The following NELFCD variants were observed in gnomAD, a reference collection of about 807,000 sequenced individuals.
NELFCD encodes negative elongation factor C/D.
Under a neutral mutation model 72.9 loss-of-function variants are expected in NELFCD, and 48 were observed. The observed-to-expected ratio is 0.66, with a 90% CI of 0.52 to 0.84. The LOEUF (loss-of-function observed/expected upper bound fraction) is 0.84. Ranked by LOEUF, NELFCD falls within the 40% of genes least tolerant of loss-of-function variation. NELFCD has a pLI of 0.00. For missense variants in NELFCD, 538 were observed against 723.8 expected, an observed-to-expected ratio of 0.74 and a Z score of 2.94; for synonymous variants, 297 against 280.6, an observed-to-expected ratio of 1.06 and a Z score of -0.59.
At chr20:58,984,293 T>C (rs2091757122) in intron 1 of NELFCD, among the ~76,000 whole-genome samples, 1 of 151,904 alleles carries the variant, frequency 6.6e-6, no homozygotes, top group South Asian at 2.1e-4. Context: ...CTGAAGGAGA[T>C]GGGAATCTTT....
rs556887906 is a variant in NELFCD at position 58,990,122 on chromosome 20, C to T, written c.788+134C>T. The stretch of plus-strand genomic sequence containing the variant: ...AGAGGTAAACTTGCTTTTGGCTGGG[C>T]GTGGTGGCTCACGCCTGTAATCCCA... On this transcript the variant is annotated intron_variant, in intron 7 of 14. Coordinates refer to ENST00000652272, the MANE Select transcript of NELFCD (RefSeq NM_198976.4). 3.5e-4 allele frequency: 437 copies of T among 1,231,532 alleles called. 1 individual carries two copies. The African/African-American group carries it at 5.9e-3, about 16-fold the overall frequency. 76.3% of individuals were successfully genotyped at this position (1,231,532 alleles called of 1,614,324 possible).
chr20:58,989,836 C>G (rs750829960), intron 6 of NELFCD, 22 bp from the exon 7 acceptor site: 2 of 1,614,132 alleles, frequency 1.2e-6, no homozygotes, highest in Non-Finnish European at 1.7e-6. Context: ...ACCCTGCCCC[C>G]TCTCTCCCTG....
At chr20:58,981,444 A>C in intron 1 of NELFCD, 75 bp downstream of exon 1, 2 of 625,794 alleles carry the variant, frequency 3.2e-6, no homozygotes, top group Non-Finnish European at 4.1e-6. Flanking sequence ...CCACTCCCGG[A>C]GAGGCCGCGC....
chr20:58,992,558 C>T (rs1436777238), intron 10 of NELFCD, among the ~76,000 whole-genome samples: 1 of 152,200 alleles, frequency 6.6e-6, no homozygotes, highest in East Asian at 1.9e-4. Flanking sequence ...GCTTCTTGCA[C>T]CGCATGTTGA....
intron 1 of NELFCD, among the ~76,000 whole-genome samples, chr20:58,984,204 A>C (rs1438707277): frequency 6.6e-6 from 1 of 152,144 alleles, no homozygotes; most frequent in East Asian, 1.9e-4. Flanking sequence ...TACAGATTGC[A>C]AATGGGGAGT....
chr20:58,991,664 A>G, intron 9 of NELFCD: 1 of 744,324 alleles, frequency 1.3e-6, no homozygotes, highest in Non-Finnish European at 2.1e-6. Flanking sequence ...ATGTGACTAA[A>G]GAAATGAAAC....
chr20:58,988,830 C>A, intron 4 of NELFCD, 84 bp from the exon 5 acceptor site: 1 of 1,007,038 alleles, frequency 9.9e-7, no homozygotes, highest in Non-Finnish European at 1.6e-6. Context: ...GCACCAATCT[C>A]CTGTGATCGT....
chr20:58,994,262 T>A, intron 14 of NELFCD, 23 bp downstream of exon 14: 5 of 1,610,956 alleles, frequency 3.1e-6, no homozygotes, highest in Non-Finnish European at 4.2e-6. Context: ...GCCTAGCCCT[T>A]TACTACAATA....
Position 58,993,623 on chromosome 20 carries a change from G to A in NELFCD, c.1441-1G>A. 1 of 1,614,224 alleles carries A rather than the reference G, an allele frequency of 6.2e-7. No individual in the cohort carries two copies. The highest frequency in any genetic ancestry group is 8.5e-7 in the Non-Finnish European group (1 of 1,180,042). ...AGCTCCCTGTCCCCCTTCTTCTGTA[G>A]CTTGAGTTGAAGAAGACACTGCTGG... is the stretch of plus-strand genomic sequence containing the variant. On this transcript the variant is annotated splice_acceptor_variant, in intron 12 of 14. Coordinates refer to ENST00000652272, the MANE Select transcript of NELFCD (RefSeq NM_198976.4). LOFTEE classifies it high-confidence loss of function. The surrounding 1 kb of genome is among the most constrained non-coding windows in gnomAD (Gnocchi z 5.0).
chr20:58,986,855 T>G lies in NELFCD; in HGVS notation c.278T>G (p.Ile93Ser). 6.2e-7 allele frequency: 1 copy of G among 1,612,638 alleles called. No individual in the cohort carries two copies. The highest frequency in any genetic ancestry group is 8.5e-7 in the Non-Finnish European group (1 of 1,178,818). Residue 93 changes from isoleucine (I) to serine (S), a missense_variant, in exon 3 of 15, where the codon ATT becomes AGT. Coordinates refer to ENST00000652272, the MANE Select transcript of NELFCD (RefSeq NM_198976.4). This position sits in a 1 kb window ranked among gnomAD's most constrained non-coding sequence, Gnocchi z 4.4. ...QTVNLLAEWL[I>S]QTGVEPVQVQ... ...GTGAACCTGCTGGCCGAGTGGCTCA[T>G]TCAGACAGGTGCTTTGTGGGTGTCC... is the stretch of plus-strand genomic sequence containing the variant.
intron 10 of NELFCD, 141 bp from the exon 11 acceptor site, chr20:58,992,857 A>G: frequency 1.6e-6 from 1 of 608,936 alleles, no homozygotes; most frequent in Non-Finnish European, 2.9e-6. Flanking sequence ...TCAAAAAAAA[A>G]AAAAAAAAAG....
intron 4 of NELFCD, 66 bp downstream of exon 4, chr20:58,987,883 G>A (rs2091784231): frequency 8.5e-7 from 1 of 1,182,848 alleles, no homozygotes; most frequent in South Asian, 1.2e-5. Context: ...CCTGTGTACA[G>A]TGGAGCGTGG....
chr20:58,991,782 A>G, intron 9 of NELFCD, 99 bp from the exon 10 acceptor site: 1 of 1,395,330 alleles, frequency 7.2e-7, no homozygotes, highest in Non-Finnish European at 9.7e-7. Flanking sequence ...TTAAGTAGAA[A>G]TAGGGAAAGT....
chr20:58,984,378 A>AG (rs748466261), intron 1 of NELFCD, among the ~76,000 whole-genome samples: 6 of 152,180 alleles, frequency 3.9e-5, no homozygotes, highest in Admixed American at 3.9e-4. Flanking sequence ...ATTGAAAGGA[A>AG]GGAATAAGAC....
intron 14 of NELFCD, 138 bp from the exon 15 acceptor site, chr20:58,994,504 G>A: frequency 1.3e-6 from 1 of 756,312 alleles, no homozygotes; most frequent in South Asian, 1.7e-5. Context: ...AGAGGTTGCA[G>A]TGAGCCAAGA....
Position 58,993,429 on chromosome 20 carries a change from T to C in NELFCD, c.1345-20T>C. On this transcript the variant is annotated intron_variant, in intron 11 of 14. Transcript: ENST00000652272. This position sits in a 1 kb window ranked among gnomAD's most constrained non-coding sequence, Gnocchi z 5.0. ...GCGTGACCACACTGCTCAGCGAAGC[T>C]CCCTCTGGCCTGTTTGTAGATCAGC... 6.2e-7 allele frequency: 1 copy of C among 1,611,584 alleles called. No individual in the cohort carries two copies. Among genetic ancestry groups the C allele is most frequent in the Non-Finnish European group, 8.5e-7 (1 of 1,179,006 alleles).
At chr20:58,992,594 TTAC>T (rs1281285046) in intron 10 of NELFCD, among the ~76,000 whole-genome samples, 1 of 152,198 alleles carries the variant, frequency 6.6e-6, no homozygotes, top group African/African-American at 2.4e-5. Context: ...TTCACACTAT[TTAC>T]TAATAAGCAG....
At chr20:58,989,440 G>T (rs759622375) in intron 5 of NELFCD, 48 bp from the exon 6 acceptor site, 13 of 1,603,374 alleles carry the variant, frequency 8.1e-6, no homozygotes, top group Admixed American at 1.7e-5. Context: ...TCCCGTGGAG[G>T]TGCGGTCACT....
rs534907805 is a variant in NELFCD, at chr20:58,991,312, A to G, written c.955A>G (p.Ile319Val). Residue 319 changes from isoleucine to valine, a missense_variant and splice_region_variant, in exon 9 of 15, where the codon ATC (isoleucine) becomes GTC (valine). Transcript: ENST00000652272. ...GAACTGGGCATATGCTTCTCCTCAG[A>G]TCCGCGTTCCAGCCTTCCTGGACCT... ...TSMDPPPVEL[I>V]RVPAFLDLFM... The G allele has an allele frequency of 6.2e-7, 1 of 1,614,178 alleles. No homozygotes were observed. Among genetic ancestry groups the G allele is most frequent in the African/African-American group, 1.3e-5 (1 of 75,028 alleles).
Sources: allele counts gnomAD v4.1 joint callset (sites outside exome capture counted in the v4.1 genomes callset), GRCh38; gene constraint gnomAD v4.1.1; non-coding constraint Gnocchi (gnomAD v3.1); transcripts MANE v1.5; gene names NCBI Gene and HGNC (gene_info 2026-07-23, HGNC 2026-07-21).